Variants in STARD9 observed in about 807,000 individuals in gnomAD.
The protein encoded by STARD9 is stAR-related lipid transfer protein 9.
STARD9 carries 346 observed loss-of-function variants against 399.8 expected under a neutral mutation model. The observed-to-expected ratio is 0.87, with a 90% CI of 0.79 to 0.95. The LOEUF (loss-of-function observed/expected upper bound fraction) is 0.95, where lower values mean the gene tolerates loss of function less well. Ranked by LOEUF, STARD9 falls within the 40% of genes least tolerant of loss-of-function variation. STARD9 has a pLI of 0.00. For synonymous variants in STARD9, 2,203 were observed against 2,143.5 expected (o/e 1.03, Z -0.77); for missense variants, 5,832 against 5,667.5 (o/e 1.03, Z -0.93).
Position 42,694,191 on chromosome 15 carries a change from A to C in STARD9, c.12613A>C (p.Asn4205His). Reference protein sequence around the residue: ...EQIPLQVGAQNLSLSVELTEA... With the variant: ...EQIPLQVGAQHLSLSVELTEA... The stretch of plus-strand genomic sequence containing the variant: ...GATCCCCCTGCAAGTTGGGGCCCAG[A>C]ACCTCTCACTCAGCGTGGAACTCAC... Residue 4205 changes from asparagine to histidine, a missense_variant, in exon 23 of 33, where the codon AAC becomes CAC. Coordinates refer to ENST00000290607, the MANE Select transcript of STARD9 (RefSeq NM_020759.3). 2 of 1,535,910 alleles carry C rather than the reference A, an allele frequency of 1.3e-6. No homozygotes were observed. The highest frequency in any genetic ancestry group is 1.7e-6 in the Non-Finnish European group (2 of 1,146,314).
At chr15:42,697,654 A>G (rs929245373) in intron 26 of STARD9, among the ~76,000 whole-genome samples, 1 of 152,186 alleles carries the variant, frequency 6.6e-6, no homozygotes, top group African/African-American at 2.4e-5. Context: ...AACACAGTCA[A>G]AACTTGGTTT....
At chr15:42,590,899 C>G (rs1254034108) in intron 3 of STARD9, among the ~76,000 whole-genome samples, 1 of 152,184 alleles carries the variant, frequency 6.6e-6, no homozygotes, top group African/African-American at 2.4e-5. Flanking sequence ...ATGACCCAAA[C>G]ACTTCTCAGC....
Position 42,717,002 on chromosome 15 carries a change from C to G in STARD9, c.13448C>G (p.Ser4483Cys). ...AGCTTGGGGACCTGCTTTTCCTCCT[C>G]CTACCAGGATTTGGCCAAGCATGTC... The part of the protein sequence containing the change: ...LSSLGTCFSS[S>C]YQDLAKHVVD... The change falls in exon 28 of 33, where the codon TCC (serine) becomes TGC (cysteine). Residue 4483 changes from serine to cysteine, a missense_variant. Coordinates refer to ENST00000290607, the MANE Select transcript of STARD9 (RefSeq NM_020759.3). 6.5e-7 allele frequency: 1 copy of G among 1,537,256 alleles called. No homozygotes were observed. The highest frequency in any genetic ancestry group is 8.7e-7 in the Non-Finnish European group (1 of 1,146,900).
At chr15:42,674,028 A>C (rs1432618024) in intron 16 of STARD9, 1 of 457,578 alleles carries the variant, frequency 2.2e-6, no homozygotes, top group Non-Finnish European at 4.4e-6. Flanking sequence ...TACTGGATCA[A>C]ACTTGGACCA....
At position 42,685,466 on chromosome 15, in the gene STARD9, T is replaced by A; in HGVS notation, c.3888T>A (p.His1296Gln). Residue 1296 changes from histidine (H) to glutamine (Q), a missense_variant, in exon 23 of 33, where the codon CAT becomes CAA. His to Gln is a conservative substitution (Grantham distance 24, BLOSUM62 0). Transcript: ENST00000290607. ...ELQPHCELQPHCELQPHCEQA... is the reference protein window; with the variant it reads ...ELQPHCELQPQCELQPHCEQA... The stretch of plus-strand genomic sequence containing the variant: ...AACCCCATTGTGAGCTCCAACCCCA[T>A]TGTGAGCTCCAGCCCCATTGTGAGC... 1 of 1,530,958 alleles carries A rather than the reference T, an allele frequency of 6.5e-7. No homozygotes were observed. Among genetic ancestry groups the A allele is most frequent in the South Asian group, 1.2e-5 (1 of 82,898 alleles). 94.8% of individuals were successfully genotyped at this position (1,530,958 alleles called of 1,614,324 possible).
Position 42,692,504 on chromosome 15 carries a change from A to C in STARD9, c.10926A>C (p.Thr3642=). 1 of 1,537,182 alleles carries C rather than the reference A, an allele frequency of 6.5e-7. No homozygotes were observed. Among genetic ancestry groups the C allele is most frequent in the Non-Finnish European group, 8.7e-7 (1 of 1,146,912 alleles). The change falls in exon 23 of 33, where the codon ACA becomes ACC. Residue 3642 remains threonine (T), a synonymous_variant. Coordinates refer to ENST00000290607, the MANE Select transcript of STARD9 (RefSeq NM_020759.3). ...QTRTNTFEQG[T]QTLGSRRHWS... is the part of the protein sequence containing the mutation. Reference sequence around the variant, plus strand: ...GGACGAACACATTCGAACAGGGCACACAGACCCTCGGCAGCAGGCGCCACT... The same window carrying C: ...GGACGAACACATTCGAACAGGGCACCCAGACCCTCGGCAGCAGGCGCCACT...
intron 22 of STARD9, among the ~76,000 whole-genome samples, chr15:42,683,537 A>G (rs1266661070): frequency 2.6e-5 from 4 of 152,160 alleles, no homozygotes; most frequent in Non-Finnish European, 5.9e-5. Context: ...TGTATTCTAA[A>G]ACCTAGGCCA....
Position 42,689,892 on chromosome 15 carries a change from A to G in STARD9, c.8314A>G (p.Ile2772Val), listed in dbSNP as rs202077402. ...AGTTCCGCAGGAGACTGCAGAGGGCATACCCCCTGGCAGTCAGGACAGCAG... is the reference window on the plus strand; with the variant it reads ...AGTTCCGCAGGAGACTGCAGAGGGCGTACCCCCTGGCAGTCAGGACAGCAG... ...QSVPQETAEG[I>V]PPGSQDSSPE... is the part of the protein sequence containing the mutation. The change falls in exon 23 of 33, where the codon ATA becomes GTA. Residue 2772 changes from isoleucine to valine, a missense_variant. This residue lies in a region of STARD9 where 5,828 missense variants were observed against 5,651.1 expected (regional missense o/e 1.03). Coordinates refer to ENST00000290607, the MANE Select transcript of STARD9 (RefSeq NM_020759.3). The G allele has an allele frequency of 3.6e-3, 5,519 of 1,537,668 alleles. 19 individuals carry two copies. The highest frequency in any genetic ancestry group is 4.1e-3 in the Non-Finnish European group (4,671 of 1,146,998).
At chr15:42,715,182 C>G (rs2061328215) in intron 26 of STARD9, among the ~76,000 whole-genome samples, 1 of 152,104 alleles carries the variant, frequency 6.6e-6, no homozygotes, top group Non-Finnish European at 1.5e-5. Flanking sequence ...CTGAGAGACT[C>G]AGGAAATGTA....
At chr15:42,680,748 C>T (rs990430639) in intron 20 of STARD9, among the ~76,000 whole-genome samples, 5 of 152,180 alleles carry the variant, frequency 3.3e-5, no homozygotes, top group Non-Finnish European at 7.3e-5. Context: ...TAGACAAATT[C>T]TTGACATATT....
At chr15:42,676,059 G>GGGGGGGA in intron 20 of STARD9, 84 bp downstream of exon 20, 1 of 838,352 alleles carries the variant, frequency 1.2e-6, no homozygotes, top group South Asian at 1.4e-5. Flanking sequence ...GTGGGGGTGG[G>GGGGGGGA]GGGTGATTAA....
chr15:42,637,426 G>A (rs2059440494), intron 4 of STARD9, among the ~76,000 whole-genome samples: 1 of 152,002 alleles, frequency 6.6e-6, no homozygotes, highest in African/African-American at 2.4e-5. Flanking sequence ...GGTTGCCCAG[G>A]CTTGTCTCTA....
chr15:42,628,335 T>C (rs2059266585), intron 3 of STARD9, among the ~76,000 whole-genome samples: 1 of 152,240 alleles, frequency 6.6e-6, no homozygotes, highest in African/African-American at 2.4e-5. Flanking sequence ...ATTAATCCTT[T>C]GTCAGATGGA....
At chr15:42,696,778 G>A (rs139645550) in intron 26 of STARD9, among the ~76,000 whole-genome samples, 54 of 152,102 alleles carry the variant, frequency 3.6e-4, no homozygotes, top group African/African-American at 1.2e-3. Flanking sequence ...AAGGAAGAGC[G>A]GGGAGTTGAG....
intron 3 of STARD9, among the ~76,000 whole-genome samples, chr15:42,590,296 C>T (rs1353201932): frequency 6.6e-6 from 1 of 152,112 alleles, no homozygotes; most frequent in African/African-American, 2.4e-5. Flanking sequence ...TCTGCTCTCC[C>T]AGAAGGAATC....
chr15:42,676,282 G>C (rs2060310445), intron 20 of STARD9, among the ~76,000 whole-genome samples: 2 of 152,130 alleles, frequency 1.3e-5, no homozygotes, highest in Non-Finnish European at 2.9e-5. Context: ...AAATTTAGCT[G>C]TGCTGTGTTT....
At chr15:42,710,431 G>A (rs1355995420) in intron 26 of STARD9, among the ~76,000 whole-genome samples, 1 of 151,858 alleles carries the variant, frequency 6.6e-6, no homozygotes, top group Non-Finnish European at 1.5e-5. Flanking sequence ...ATAGAGTTGT[G>A]TATCCATCAC....
rs548248907 is a variant in STARD9, at chr15:42,681,971, C to A, written c.2066-133C>A. 428 of 658,724 alleles carry A rather than the reference C, an allele frequency of 6.5e-4. 3 individuals carry two copies. Among genetic ancestry groups the A allele is most frequent in the Non-Finnish European group, 9.5e-5 (37 of 388,904 alleles). 40.8% of individuals were successfully genotyped at this position (658,724 alleles called of 1,614,324 possible). A position where few individuals can be genotyped will look rare whatever the true frequency, so the allele number is the denominator to read the frequency against. ...GGGAGCCCTGTAGCCCTGCAGCCCT[C>A]ACCCTGCCACATCACCTTGGCCAGC... On this transcript the variant is annotated intron_variant, in intron 21 of 32. Coordinates refer to ENST00000290607, the MANE Select transcript of STARD9 (RefSeq NM_020759.3).
intron 3 of STARD9, among the ~76,000 whole-genome samples, chr15:42,630,984 T>C (rs2059322264): frequency 6.8e-6 from 1 of 147,894 alleles, no homozygotes; most frequent in South Asian, 2.1e-4. Flanking sequence ...TTCTAGCTCT[T>C]TTTTTTTTTT....
Sources: allele counts gnomAD v4.1 joint callset (sites outside exome capture counted in the v4.1 genomes callset), GRCh38; gene constraint gnomAD v4.1.1; regional missense constraint gnomAD v4.1.1; transcripts MANE v1.5; gene names NCBI Gene and HGNC (gene_info 2026-07-23, HGNC 2026-07-21).